The following INPP5A variants were observed in gnomAD, a reference collection of about 807,000 sequenced individuals.
INPP5A encodes the protein inositol polyphosphate-5-phosphatase A, also known as 43 kDa inositol polyphosphate 5-phophatase.
INPP5A carries 14 observed loss-of-function variants against 65.2 expected under a neutral mutation model. That is an observed-to-expected ratio of 0.21 (90% CI 0.14 to 0.34). The LOEUF (loss-of-function observed/expected upper bound fraction) is 0.34, where lower values mean the gene tolerates loss of function less well. Ranked by LOEUF, INPP5A falls within the 10% of genes least tolerant of loss-of-function variation. The probability of loss-of-function intolerance (pLI) is 1.00; values close to 1 mark genes in which losing one functional copy is unlikely to be tolerated. For synonymous variants in INPP5A, 207 were observed against 208.3 expected, an observed-to-expected ratio of 0.99 and a Z score of 0.05; for missense variants, 431 against 545.6, an observed-to-expected ratio of 0.79 and a Z score of 2.09.
At position 132,782,256 on chromosome 10, in the gene INPP5A, T is replaced by G. The variant is rs908829992; in HGVS notation, c.*227T>G. The G allele has an allele frequency of 8.6e-5, 39 of 454,708 alleles. 1 individual carries two copies. The highest frequency in any genetic ancestry group is 3.7e-4 in the South Asian group (18 of 48,788). The allele number at this position is 454,708 out of a possible 1,614,324, so 28.2% of individuals were successfully genotyped here. On this transcript the variant is annotated 3_prime_UTR_variant, in exon 16 of 16. Transcript: ENST00000368594. This position sits in a 1 kb window ranked among gnomAD's most constrained non-coding sequence, Gnocchi z 4.4. ...ACATTAAGTAGAAATATTGGTTTTT[T>G]TTTTTTTTTTTTAAATAAGTCACAG...
In INPP5A at chr10:132,546,086, C is replaced by T. The variant is rs925683427; in HGVS notation, c.75+7915C>T. On this transcript the variant is annotated intron_variant, in intron 1 of 15. Transcript: ENST00000368594. The surrounding 1 kb of genome is among the most constrained non-coding windows in gnomAD (Gnocchi z 5.7). ...AGTGGCCGAGGCGTCTGGGGACGTC[C>T]TGGAGCCTGCAGCCCTTGGCCGTGT... Among the ~76,000 whole-genome samples the T allele has an allele frequency of 6.6e-6, 1 of 152,196 alleles. No individual in the cohort carries two copies. Among genetic ancestry groups the T allele is most frequent in the Non-Finnish European group, 1.5e-5 (1 of 68,022 alleles).
chr10:132,696,472 C>T (rs1019315130), intron 5 of INPP5A, among the ~76,000 whole-genome samples: 8 of 152,114 alleles, frequency 5.3e-5, no homozygotes, highest in African/African-American at 1.7e-4. Context: ...GTCAGCTCCA[C>T]GGGGTGTTAT....
chr10:132,720,008 G>A (rs1244974875), intron 8 of INPP5A, among the ~76,000 whole-genome samples: 17 of 131,502 alleles, frequency 1.3e-4, no homozygotes, highest in Middle Eastern at 5.8e-3. Flanking sequence ...GTTCTGTGGT[G>A]CCTGGGTTCT....
At chr10:132,758,746 T>C (rs1362272861) in intron 11 of INPP5A, among the ~76,000 whole-genome samples, 1 of 152,228 alleles carries the variant, frequency 6.6e-6, no homozygotes, top group East Asian at 1.9e-4. Flanking sequence ...CCAGAGCTGC[T>C]GAAAAGCCTT....
chr10:132,752,180 G>A lies in INPP5A; in HGVS notation c.903+2335G>A, dbSNP rs184705659. ...ACAGGGCTGCCGTCGTTTGGAGGAG[G>A]TGCTTTCAGGGTCCCTAGCAGAGCT... On this transcript the variant is annotated intron_variant, in intron 11 of 15. Coordinates refer to ENST00000368594, the MANE Select transcript of INPP5A (RefSeq NM_005539.5). Among the ~76,000 whole-genome samples, 164 of 152,200 alleles carry A rather than the reference G, an allele frequency of 1.1e-3. 1 individual carries two copies. The highest frequency in any genetic ancestry group is 1.5e-3 in the Non-Finnish European group (100 of 67,976).
At chr10:132,752,655 G>T (rs572619419) in intron 11 of INPP5A, among the ~76,000 whole-genome samples, 8 of 121,520 alleles carry the variant, frequency 6.6e-5, no homozygotes, top group Non-Finnish European at 1.1e-4. Flanking sequence ...GGGACACGGG[G>T]CGTGGAGGGG....
intron 14 of INPP5A, 128 bp downstream of exon 14, chr10:132,781,045 C>G (rs1251492035): frequency 1.4e-6 from 1 of 694,808 alleles, no homozygotes; most frequent in South Asian, 1.6e-5. Context: ...TGGCCAGTCT[C>G]TCCTCTCCTG....
intron 4 of INPP5A, among the ~76,000 whole-genome samples, chr10:132,686,895 G>A (rs534381081): frequency 2.8e-4 from 42 of 152,362 alleles, no homozygotes; most frequent in African/African-American, 9.6e-4. Context: ...TTAACTCTGT[G>A]CTGAAACTCT....
intron 1 of INPP5A, among the ~76,000 whole-genome samples, chr10:132,594,856 CT>C (rs1175758553): frequency 2.6e-5 from 4 of 152,158 alleles, no homozygotes; most frequent in Non-Finnish European, 4.4e-5. Flanking sequence ...CTCCATGGTT[CT>C]CCCCGTCTGC....
chr10:132,757,968 C>T (rs1345243626), intron 11 of INPP5A, among the ~76,000 whole-genome samples: 2 of 143,888 alleles, frequency 1.4e-5, no homozygotes, highest in Non-Finnish European at 3.0e-5. Flanking sequence ...GGTGCCCGGC[C>T]GACCCCACAG....
At chr10:132,642,809 G>T (rs563292742) in intron 2 of INPP5A, among the ~76,000 whole-genome samples, 3 of 152,326 alleles carry the variant, frequency 2.0e-5, no homozygotes, top group Admixed American at 2.0e-4. Context: ...GCCGCACGTG[G>T]GGATAAAGAC....
rs1845549595 is a variant in INPP5A, at chr10:132,707,174, GGT to G, written c.475-1137_475-1136del. On this transcript the variant is annotated intron_variant, in intron 6 of 15. Coordinates refer to ENST00000368594, the MANE Select transcript of INPP5A (RefSeq NM_005539.5). This position sits in a 1 kb window ranked among gnomAD's most constrained non-coding sequence, Gnocchi z 5.5. ...ATCTCCTCAGCAGACCTTAGGGTGT[GGT>G]GGAGGAGACAGGGTCTTCCCTGTCC... Among the ~76,000 whole-genome samples the G allele has an allele frequency of 6.6e-6, 1 of 152,216 alleles. No individual in the cohort carries two copies. The highest frequency in any genetic ancestry group is 1.5e-5 in the Non-Finnish European group (1 of 68,040).
chr10:132,652,488 A>G (rs963246442), intron 4 of INPP5A, among the ~76,000 whole-genome samples: 3 of 152,244 alleles, frequency 2.0e-5, no homozygotes, highest in Non-Finnish European at 4.4e-5. Flanking sequence ...AGCCGAATAA[A>G]CATACCAACG....
chr10:132,569,507 C>A (rs1039822661), intron 1 of INPP5A, among the ~76,000 whole-genome samples: 1 of 152,148 alleles, frequency 6.6e-6, no homozygotes, highest in Non-Finnish European at 1.5e-5. Context: ...CAGGAATGTG[C>A]CACCATGACC....
intron 1 of INPP5A, among the ~76,000 whole-genome samples, chr10:132,601,878 T>C (rs2071781287): frequency 6.6e-6 from 1 of 151,810 alleles, no homozygotes. Context: ...CTTTAGGTTG[T>C]AGTAAGTTCC....
chr10:132,729,338 C>T (rs946344948), intron 9 of INPP5A, among the ~76,000 whole-genome samples: 11 of 152,324 alleles, frequency 7.2e-5, no homozygotes, highest in East Asian at 1.9e-4. Context: ...CAGCCCTCAA[C>T]CCTCATGGGT....
intron 9 of INPP5A, among the ~76,000 whole-genome samples, chr10:132,733,424 A>T (rs1281409935): frequency 6.6e-6 from 1 of 152,210 alleles, no homozygotes; most frequent in Non-Finnish European, 1.5e-5. Flanking sequence ...GACCAGATTT[A>T]TTTGTTGGTG....
chr10:132,632,934 G>T (rs1590882118), intron 2 of INPP5A, among the ~76,000 whole-genome samples: 2 of 152,204 alleles, frequency 1.3e-5, no homozygotes, highest in South Asian at 4.1e-4. Flanking sequence ...GCCATGGCGG[G>T]GCATTCACAC....
rs1483540295 is a variant in INPP5A at position 132,753,483 on chromosome 10, C to T, written c.903+3638C>T. Among the ~76,000 whole-genome samples the T allele has an allele frequency of 6.6e-6, 1 of 152,172 alleles. No individual in the cohort carries two copies. Among genetic ancestry groups the T allele is most frequent in the Admixed American group, 6.5e-5 (1 of 15,278 alleles). Reference sequence around the variant, plus strand: ...TATTTTAAGAGTAGTAATCATTGGCCGGGACATGATTGAATGTGTCCATGC... The same window carrying T: ...TATTTTAAGAGTAGTAATCATTGGCTGGGACATGATTGAATGTGTCCATGC... On this transcript the variant is annotated intron_variant, in intron 11 of 15. Transcript: ENST00000368594. This position sits in a 1 kb window ranked among gnomAD's most constrained non-coding sequence, Gnocchi z 5.3.
Sources: gnomAD v4.1 joint callset for allele counts (sites outside exome capture counted in the v4.1 genomes callset) on GRCh38, gnomAD v4.1.1 for gene constraint, Gnocchi (gnomAD v3.1) non-coding constraint, MANE v1.5 for transcripts, NCBI Gene and HGNC (gene_info 2026-07-23, HGNC 2026-07-21) for gene names.